Variants in MDGA2 observed in about 807,000 individuals in gnomAD.
MDGA2 encodes the protein MAM domain-containing glycosylphosphatidylinositol anchor protein 2.
A neutral mutation model predicts 117.8 loss-of-function variants in MDGA2; 40 were observed. That is an observed-to-expected ratio of 0.34 (90% confidence interval 0.26 to 0.44). The LOEUF is 0.44. MDGA2 is among the 20% of genes least tolerant of loss of function. MDGA2 has a pLI of 1.00. For missense variants in MDGA2, 1,123 were observed against 1,250.6 expected, an observed-to-expected ratio of 0.90 and a Z score of 1.54; for synonymous variants, 452 against 439.0, an observed-to-expected ratio of 1.03 and a Z score of -0.37.
intron 1 of MDGA2, among the ~76,000 whole-genome samples, chr14:47,649,287 C>T (rs549419584): frequency 6.6e-6 from 1 of 152,224 alleles, no homozygotes; most frequent in South Asian, 2.1e-4. Context: ...TATCTATAGA[C>T]AAATTTAAGC....
intron 1 of MDGA2, among the ~76,000 whole-genome samples, chr14:47,588,257 TATATACACACACAC>T (rs2138854164): frequency 2.0e-5 from 2 of 98,670 alleles, no homozygotes; most frequent in African/African-American, 6.7e-5. Context: ...TATATATATA[TATATACACACACAC>T]ACACACACAC....
intron 16 of MDGA2, among the ~76,000 whole-genome samples, chr14:46,844,927 G>C (rs1260360076): frequency 6.6e-6 from 1 of 152,088 alleles, no homozygotes; most frequent in Admixed American, 6.6e-5. Flanking sequence ...TGTCGCCCAG[G>C]CTGGAGTGCA....
chr14:47,107,906 C>T (rs1325183903), intron 5 of MDGA2, among the ~76,000 whole-genome samples: 3 of 151,646 alleles, frequency 2.0e-5, no homozygotes, highest in Non-Finnish European at 4.4e-5. Flanking sequence ...TCTGAGAAGG[C>T]CACCGCAGTC....
At chr14:47,148,540 C>T (rs1883037238) in intron 3 of MDGA2, among the ~76,000 whole-genome samples, 1 of 152,090 alleles carries the variant, frequency 6.6e-6, no homozygotes, top group Admixed American at 6.6e-5. Context: ...CCAGATAATC[C>T]ATGGCAATGT....
intron 1 of MDGA2, among the ~76,000 whole-genome samples, chr14:47,547,125 G>A (rs1015821355): frequency 6.6e-6 from 1 of 152,146 alleles, no homozygotes; most frequent in Non-Finnish European, 1.5e-5. Context: ...GACTAAAACA[G>A]CTCTACTTTA....
intron 5 of MDGA2, among the ~76,000 whole-genome samples, chr14:47,123,814 C>T (rs773814725): frequency 1.3e-5 from 2 of 151,910 alleles, no homozygotes; most frequent in Non-Finnish European, 1.5e-5. Context: ...ACAATGCTGT[C>T]CCCAAAAGAT....
At chr14:47,007,450 T>A (rs1887751717) in intron 8 of MDGA2, among the ~76,000 whole-genome samples, 1 of 151,730 alleles carries the variant, frequency 6.6e-6, no homozygotes, top group East Asian at 1.9e-4. Flanking sequence ...CGAGTCTGAT[T>A]GTTGGAAAGT....
rs139388087 is a variant in MDGA2, at chr14:47,436,004, G to A, written c.281-134454C>T. On this transcript the variant is annotated intron_variant, in intron 1 of 16. Transcript: ENST00000399232. Reference sequence around the variant, plus strand: ...TTTTTGTCTCTCTCTCAAGCTGGTCGCTTTTAGTCAGAGAGGCCATCCTTA... The same window carrying A: ...TTTTTGTCTCTCTCTCAAGCTGGTCACTTTTAGTCAGAGAGGCCATCCTTA... Among the ~76,000 whole-genome samples, 264 of 151,976 alleles carry A rather than the reference G, an allele frequency of 1.7e-3. 2 individuals carry two copies. Among genetic ancestry groups the A allele is most frequent in the African/African-American group, 6.1e-3 (252 of 41,438 alleles).
At chr14:47,462,832 TCATC>T (rs758479860) in intron 1 of MDGA2, among the ~76,000 whole-genome samples, 1 of 152,260 alleles carries the variant, frequency 6.6e-6, no homozygotes, top group African/African-American at 2.4e-5. Flanking sequence ...GACTTCTTCT[TCATC>T]CATCTCTCAT....
chr14:47,556,828 T>C (rs542622219), intron 1 of MDGA2, among the ~76,000 whole-genome samples: 3 of 152,344 alleles, frequency 2.0e-5, no homozygotes, highest in Admixed American at 6.5e-5. Context: ...TCTGTAAGCT[T>C]TTCTGGGATG....
chr14:47,485,526 T>C (rs1205919511), intron 1 of MDGA2, among the ~76,000 whole-genome samples: 2 of 152,136 alleles, frequency 1.3e-5, no homozygotes, highest in Non-Finnish European at 2.9e-5. Flanking sequence ...CTGCAGAAAT[T>C]TGCATAAGTA....
chr14:47,062,369 A>G (rs1400632175), intron 6 of MDGA2, among the ~76,000 whole-genome samples: 1 of 152,032 alleles, frequency 6.6e-6, no homozygotes, highest in Non-Finnish European at 1.5e-5. Flanking sequence ...AGTAATGACT[A>G]CCAAAAGGCT....
At chr14:47,162,355 A>G (rs1029682669) in intron 3 of MDGA2, among the ~76,000 whole-genome samples, 2 of 152,074 alleles carry the variant, frequency 1.3e-5, no homozygotes, top group African/African-American at 4.8e-5. Flanking sequence ...TTCCTGTACA[A>G]CAATATTTTC....
At chr14:46,887,770 T>TTA (rs554231804) in intron 10 of MDGA2, among the ~76,000 whole-genome samples, 434 of 151,836 alleles carry the variant, frequency 2.9e-3, no homozygotes, top group Non-Finnish European at 4.2e-3. Flanking sequence ...AATTTTAGAT[T>TTA]TATATATATA....
chr14:47,378,252 T>C (rs1278923383), intron 1 of MDGA2, among the ~76,000 whole-genome samples: 9 of 151,934 alleles, frequency 5.9e-5, no homozygotes, highest in African/African-American at 2.2e-4. Flanking sequence ...ACCACAAAGA[T>C]GGGGAAAAAA....
intron 1 of MDGA2, among the ~76,000 whole-genome samples, chr14:47,381,688 A>C (rs1891631743): frequency 6.6e-6 from 1 of 152,174 alleles, no homozygotes; most frequent in East Asian, 1.9e-4. Flanking sequence ...GGAACTACAA[A>C]CCACTGCTCA....
At chr14:47,462,990 C>A (rs1893523054) in intron 1 of MDGA2, among the ~76,000 whole-genome samples, 1 of 151,936 alleles carries the variant, frequency 6.6e-6, no homozygotes, top group African/African-American at 2.4e-5. Context: ...AGTTAATGAT[C>A]ATTTTAGAAA....
intron 1 of MDGA2, among the ~76,000 whole-genome samples, chr14:47,528,976 T>G (rs1015729128): frequency 6.9e-6 from 1 of 143,940 alleles, no homozygotes. Context: ...CCTCCTATAG[T>G]GTCAAGGGAG....
intron 3 of MDGA2, among the ~76,000 whole-genome samples, chr14:47,159,924 G>A (rs1883561035): frequency 6.6e-6 from 1 of 152,010 alleles, no homozygotes; most frequent in Admixed American, 6.6e-5. Context: ...TTTTTATATA[G>A]TAAGATATGA....
Sources: allele counts gnomAD v4.1 joint callset (sites outside exome capture counted in the v4.1 genomes callset), GRCh38; gene constraint gnomAD v4.1.1; transcripts MANE v1.5; gene names NCBI Gene and HGNC (gene_info 2026-07-23, HGNC 2026-07-21).